DLG2: variants seen among roughly 807,000 people sequenced by gnomAD.
The protein encoded by DLG2 is disks large homolog 2.
A neutral mutation model predicts 132.5 loss-of-function variants in DLG2; 45 were observed. The ratio of observed to expected loss-of-function variants is 0.34; its 90% CI spans 0.27 to 0.44. The LOEUF (loss-of-function observed/expected upper bound fraction) is 0.44. Among genes scored for constraint, DLG2 ranks in the 20% least tolerant of loss-of-function variants. The pLI is 1.00. For missense variants in DLG2, 1,045 were observed against 1,196.9 expected (o/e 0.87, Z 1.87); for synonymous variants, 424 against 419.6 (o/e 1.01, Z -0.13).
At chr11:85,200,784 G>A (rs2081400225) in intron 4 of DLG2, among the ~76,000 whole-genome samples, 1 of 152,032 alleles carries the variant, frequency 6.6e-6, no homozygotes, top group African/African-American at 2.4e-5. Context: ...CAGATCCCAA[G>A]GGACCTCCCT....
At chr11:84,615,817 G>GAAAAAAAAAA (rs2099602949) in intron 6 of DLG2, among the ~76,000 whole-genome samples, 3 of 52,896 alleles carry the variant, frequency 5.7e-5, no homozygotes, top group Non-Finnish European at 9.9e-5. Flanking sequence ...GACAAAAACG[G>GAAAAAAAAAA]TAAAAAAAAA....
At chr11:85,203,054 T>C (rs959027889) in intron 4 of DLG2, among the ~76,000 whole-genome samples, 6 of 150,476 alleles carry the variant, frequency 4.0e-5, no homozygotes, top group African/African-American at 1.5e-4. Context: ...TATTATTTAA[T>C]AATAAATATC....
At chr11:85,399,551 C>G (rs1326147802) in intron 3 of DLG2, among the ~76,000 whole-genome samples, 2 of 152,184 alleles carry the variant, frequency 1.3e-5, no homozygotes, top group East Asian at 3.9e-4. Flanking sequence ...CTACAGTAAC[C>G]AAAACAGCAT....
At chr11:83,570,339 T>C (rs2096777735) in intron 19 of DLG2, among the ~76,000 whole-genome samples, 1 of 152,130 alleles carries the variant, frequency 6.6e-6, no homozygotes, top group Non-Finnish European at 1.5e-5. Context: ...GTTCCCAGGA[T>C]CCATGTGATG....
At chr11:84,220,769 CTTTT>C in intron 8 of DLG2, among the ~76,000 whole-genome samples, 1 of 127,092 alleles carries the variant, frequency 7.9e-6, no homozygotes, top group African/African-American at 2.9e-5. Context: ...CTTTTTTTTT[CTTTT>C]TCTTTTCTTT....
intron 6 of DLG2, among the ~76,000 whole-genome samples, chr11:84,890,501 C>G (rs2089186145): frequency 6.6e-6 from 1 of 152,100 alleles, no homozygotes; most frequent in Non-Finnish European, 1.5e-5. Flanking sequence ...ATGTTCTCTC[C>G]CCGGAGGAGA....
chr11:83,882,572 T>C (rs2066584498), intron 15 of DLG2, among the ~76,000 whole-genome samples: 1 of 152,208 alleles, frequency 6.6e-6, no homozygotes, highest in African/African-American at 2.4e-5. Context: ...AAAAATAAAT[T>C]GGATATGCTT....
At chr11:83,930,295 C>A in intron 15 of DLG2, 33 bp downstream of exon 15, 1 of 1,608,990 alleles carries the variant, frequency 6.2e-7, no homozygotes, top group South Asian at 1.1e-5. Flanking sequence ...ACATGCAGTT[C>A]GAGAAGATGA....
chr11:83,634,709 C>A (rs1437784739), intron 18 of DLG2, among the ~76,000 whole-genome samples: 1 of 152,144 alleles, frequency 6.6e-6, no homozygotes, highest in Non-Finnish European at 1.5e-5. Flanking sequence ...AATGTAATTT[C>A]ATTTCAACTT....
At chr11:85,195,041 T>A (rs1306521554) in intron 4 of DLG2, among the ~76,000 whole-genome samples, 1 of 152,098 alleles carries the variant, frequency 6.6e-6, no homozygotes, top group Admixed American at 6.5e-5. Context: ...GCCAGAGATA[T>A]TCCCTACCTG....
intron 10 of DLG2, among the ~76,000 whole-genome samples, chr11:84,079,513 C>T (rs1006809155): frequency 1.3e-5 from 2 of 152,052 alleles, no homozygotes; most frequent in African/African-American, 4.8e-5. Flanking sequence ...GAACTTCTGA[C>T]CTCAGGTGAT....
intron 4 of DLG2, among the ~76,000 whole-genome samples, chr11:85,198,172 G>C (rs2081201139): frequency 6.6e-6 from 1 of 152,044 alleles, no homozygotes; most frequent in Non-Finnish European, 1.5e-5. Flanking sequence ...GTATAAGTGG[G>C]ATAATGGAAA....
chr11:84,204,307 G>A (rs757435917), intron 8 of DLG2, among the ~76,000 whole-genome samples: 7 of 152,108 alleles, frequency 4.6e-5, no homozygotes, highest in Non-Finnish European at 8.8e-5. Context: ...GTACAGCATA[G>A]GTAAGAGTAA....
At chr11:84,548,746 G>A (rs918597098) in intron 6 of DLG2, among the ~76,000 whole-genome samples, 6 of 151,980 alleles carry the variant, frequency 3.9e-5, no homozygotes, top group African/African-American at 1.4e-4. Flanking sequence ...AACATACGGA[G>A]ACCACACTAA....
chr11:84,124,799 C>G (rs978767335), intron 9 of DLG2, among the ~76,000 whole-genome samples: 2 of 149,540 alleles, frequency 1.3e-5, no homozygotes, highest in African/African-American at 2.5e-5. Context: ...CATTTTTTTG[C>G]GTAAATGTGA....
chr11:84,555,800 T>C (rs530273391), intron 6 of DLG2, among the ~76,000 whole-genome samples: 2 of 152,360 alleles, frequency 1.3e-5, no homozygotes, highest in South Asian at 4.1e-4. Context: ...TAACATAGAC[T>C]AAAATTTTAT....
chr11:83,949,564 G>T (rs796261532), intron 14 of DLG2, among the ~76,000 whole-genome samples: 9 of 152,072 alleles, frequency 5.9e-5, no homozygotes, highest in African/African-American at 2.2e-4. Context: ...AGAAACCAAG[G>T]GATAAATAGT....
At chr11:83,864,313 T>C (rs763549657) in intron 16 of DLG2, among the ~76,000 whole-genome samples, 6 of 152,214 alleles carry the variant, frequency 3.9e-5, no homozygotes, top group Non-Finnish European at 8.8e-5. Flanking sequence ...TGTCACCCTA[T>C]TAGTCTGAGT....
chr11:85,226,883 C>T (rs1177045752), intron 4 of DLG2, among the ~76,000 whole-genome samples: 2 of 152,094 alleles, frequency 1.3e-5, no homozygotes, highest in African/African-American at 4.8e-5. Context: ...GAGTTATTAA[C>T]CAAAGATATT....
Sources: allele counts gnomAD v4.1 joint callset (sites outside exome capture counted in the v4.1 genomes callset), GRCh38; gene constraint gnomAD v4.1.1; transcripts MANE v1.5; gene names NCBI Gene and HGNC (gene_info 2026-07-23, HGNC 2026-07-21).